The following COMMD1 variants were observed in gnomAD, a reference collection of about 807,000 sequenced individuals.
The protein encoded by COMMD1 is COMM domain-containing protein 1.
COMMD1 carries 10 observed loss-of-function variants against 17.2 expected under a neutral mutation model. That is an observed-to-expected ratio of 0.58 (90% CI 0.36 to 0.99). COMMD1 has a LOEUF of 0.99. COMMD1 is among the 50% of genes least tolerant of loss of function. The pLI is 0.01. For synonymous variants in COMMD1, 97 were observed against 91.6 expected, an observed-to-expected ratio of 1.06 and a Z score of -0.34; for missense variants, 270 against 231.8, an observed-to-expected ratio of 1.17 and a Z score of -1.07.
At chr2:62,032,061 G>T (rs532599760) in intron 2 of COMMD1, among the ~76,000 whole-genome samples, 5 of 152,116 alleles carry the variant, frequency 3.3e-5, no homozygotes, top group African/African-American at 1.2e-4. Flanking sequence ...TATTTCCCTA[G>T]TTAAATTTTT....
Position 62,134,580 on chromosome 2 carries a change from C to A in COMMD1, c.463-1251C>A, listed in dbSNP as rs192766171. On this transcript the variant is annotated intron_variant, in intron 2 of 2. Transcript: ENST00000311832. ...TCTTATGACTGGGCAACATACTGAT[C>A]CTCCCCCTACCCCCATCTCTACAAA... Among the ~76,000 whole-genome samples the A allele has an allele frequency of 1.1e-4, 16 of 151,134 alleles. No individual in the cohort carries two copies. The East Asian group carries it at 2.9e-3, about 27-fold the overall frequency.
intron 2 of COMMD1, 181 bp downstream of exon 2, chr2:62,001,163 G>A (rs1247342159): frequency 1.6e-6 from 1 of 638,278 alleles, no homozygotes; most frequent in African/African-American, 1.8e-5. Flanking sequence ...ACAGAGTCTG[G>A]AAACTAGCCT....
intron 2 of COMMD1, among the ~76,000 whole-genome samples, chr2:62,119,973 TA>T (rs1194857800): frequency 6.6e-6 from 1 of 152,138 alleles, no homozygotes; most frequent in Non-Finnish European, 1.5e-5. Flanking sequence ...TTTGTTTATT[TA>T]TTTTTTTTAT....
chr2:62,089,968 G>A (rs1671776805), intron 2 of COMMD1, among the ~76,000 whole-genome samples: 1 of 152,146 alleles, frequency 6.6e-6, no homozygotes, highest in Non-Finnish European at 1.5e-5. Flanking sequence ...TCCTAGAGTA[G>A]TCTGGTTGGT....
At chr2:62,060,904 T>C (rs1288162604) in intron 2 of COMMD1, among the ~76,000 whole-genome samples, 2 of 152,146 alleles carry the variant, frequency 1.3e-5, no homozygotes, top group Non-Finnish European at 2.9e-5. Context: ...TTTCCCCCAA[T>C]CTTTTTTTCT....
intron 2 of COMMD1, among the ~76,000 whole-genome samples, chr2:62,093,772 T>C (rs1463808669): frequency 6.6e-6 from 1 of 152,224 alleles, no homozygotes; most frequent in East Asian, 1.9e-4. Flanking sequence ...CGAGACTTGG[T>C]GCCCATTTCA....
chr2:62,132,560 T>G (rs13392941), intron 2 of COMMD1, among the ~76,000 whole-genome samples: 40 of 152,272 alleles, frequency 2.6e-4, no homozygotes, highest in African/African-American at 9.1e-4. Context: ...TAAAAATTGT[T>G]TTAGGTCAGA....
At chr2:62,125,427 C>T (rs1444375927) in intron 2 of COMMD1, among the ~76,000 whole-genome samples, 2 of 152,072 alleles carry the variant, frequency 1.3e-5, no homozygotes, top group Non-Finnish European at 2.9e-5. Context: ...CTTTTTCAGC[C>T]TCAGTAGGAT....
chr2:62,015,209 C>T (rs1391126143), intron 2 of COMMD1, among the ~76,000 whole-genome samples: 5 of 152,160 alleles, frequency 3.3e-5, no homozygotes, highest in Non-Finnish European at 5.9e-5. Context: ...CCCTGGTAAC[C>T]TCTTTTCTAC....
At chr2:62,117,639 A>C (rs1672642180) in intron 2 of COMMD1, among the ~76,000 whole-genome samples, 1 of 152,236 alleles carries the variant, frequency 6.6e-6, no homozygotes, top group Non-Finnish European at 1.5e-5. Flanking sequence ...CATGTACAGC[A>C]CTTCACATAA....
intron 2 of COMMD1, among the ~76,000 whole-genome samples, chr2:62,009,615 A>G (rs1031846368): frequency 2.0e-5 from 3 of 151,654 alleles, no homozygotes; most frequent in Non-Finnish European, 4.4e-5. Flanking sequence ...AAAAAAAAAA[A>G]AAAGAAAGAA....
At chr2:62,088,449 T>A (rs1671730836) in intron 2 of COMMD1, among the ~76,000 whole-genome samples, 1 of 152,216 alleles carries the variant, frequency 6.6e-6, no homozygotes, top group Non-Finnish European at 1.5e-5. Context: ...TTTCCCCATT[T>A]CTTGTTTCAG....
chr2:62,119,974 A>T (rs1449699101), intron 2 of COMMD1, among the ~76,000 whole-genome samples: 5 of 151,674 alleles, frequency 3.3e-5, no homozygotes, highest in Non-Finnish European at 7.4e-5. Context: ...TTGTTTATTT[A>T]TTTTTTTTAT....
intron 2 of COMMD1, among the ~76,000 whole-genome samples, chr2:62,096,717 C>T (rs1672021006): frequency 6.6e-6 from 1 of 152,172 alleles, no homozygotes; most frequent in Non-Finnish European, 1.5e-5. Context: ...TTAATAGCCC[C>T]CTTGGGGAAA....
At chr2:61,921,851 G>A (rs1670204827) in intron 1 of COMMD1, among the ~76,000 whole-genome samples, 1 of 152,162 alleles carries the variant, frequency 6.6e-6, no homozygotes, top group South Asian at 2.1e-4. Flanking sequence ...CTAAGAAACA[G>A]CCATTGTGTT....
intron 1 of COMMD1, among the ~76,000 whole-genome samples, chr2:61,962,211 A>G (rs911132625): frequency 6.6e-6 from 1 of 152,126 alleles, no homozygotes; most frequent in Non-Finnish European, 1.5e-5. Context: ...ATTGCTCCTC[A>G]GAGAGGAATT....
intron 2 of COMMD1, among the ~76,000 whole-genome samples, chr2:62,061,680 T>C (rs542404919): frequency 1.2e-4 from 18 of 151,138 alleles, no homozygotes; most frequent in Middle Eastern, 6.9e-3. Flanking sequence ...CTCAGCCTCC[T>C]GAGTAGCCGG....
At chr2:61,993,152 A>T (rs1668637660) in intron 1 of COMMD1, among the ~76,000 whole-genome samples, 1 of 152,200 alleles carries the variant, frequency 6.6e-6, no homozygotes, top group Non-Finnish European at 1.5e-5. Context: ...CTATATTTAT[A>T]TTATAGATAG....
Position 61,932,716 on chromosome 2 carries a change from C to G in COMMD1, c.180+26858C>G, listed in dbSNP as rs144872767. On this transcript the variant is annotated intron_variant, in intron 1 of 2. Coordinates refer to ENST00000311832, the MANE Select transcript of COMMD1 (RefSeq NM_152516.4). The stretch of plus-strand genomic sequence containing the variant: ...TTGTGACAGGGGTGTGGCTTGTTTA[C>G]TTGGCTGCCGTGTGCCCAAACCCCT... Among the ~76,000 whole-genome samples, 763 of 152,242 alleles carry G rather than the reference C, an allele frequency of 5.0e-3. 8 individuals are homozygous for G. The highest frequency in any genetic ancestry group is 0.017 in the African/African-American group (726 of 41,532).
Sources: gnomAD v4.1 joint callset for allele counts (sites outside exome capture counted in the v4.1 genomes callset) on GRCh38, gnomAD v4.1.1 for gene constraint, MANE v1.5 for transcripts, NCBI Gene and HGNC (gene_info 2026-07-23, HGNC 2026-07-21) for gene names.